NSMCE2: variants seen among roughly 807,000 people sequenced by gnomAD.
The protein encoded by NSMCE2 is NSE2 SUMO ligase component of SMC5/6 complex, also known as E3 SUMO-protein ligase NSE2.
A neutral mutation model predicts 23.8 loss-of-function variants in NSMCE2; 24 were observed. That is an observed-to-expected ratio of 1.01 (90% CI 0.73 to 1.42). The LOEUF is 1.42. Among genes scored for constraint, NSMCE2 ranks in the 40% most tolerant of loss-of-function variants. NSMCE2 has a pLI of 0.00. For missense variants in NSMCE2, 284 were observed against 296.5 expected, an observed-to-expected ratio of 0.96 and a Z score of 0.31; for synonymous variants, 92 against 94.1, an observed-to-expected ratio of 0.98 and a Z score of 0.13.
At chr8:125,197,272 C>T (rs550738595) in intron 5 of NSMCE2, among the ~76,000 whole-genome samples, 1 of 152,144 alleles carries the variant, frequency 6.6e-6, no homozygotes, top group Non-Finnish European at 1.5e-5. Flanking sequence ...AGTCCTTGCC[C>T]ATGCCTATGT....
intron 5 of NSMCE2, among the ~76,000 whole-genome samples, chr8:125,244,251 A>AAAAATAC (rs1390596069): frequency 2.0e-5 from 3 of 152,212 alleles, no homozygotes; most frequent in Admixed American, 1.3e-4. Flanking sequence ...CATTGATTAA[A>AAAAATAC]AAAATACAGG....
At chr8:125,229,232 G>C (rs180998169) in intron 5 of NSMCE2, among the ~76,000 whole-genome samples, 2 of 152,304 alleles carry the variant, frequency 1.3e-5, no homozygotes, top group Admixed American at 6.5e-5. Flanking sequence ...AAAGAAAAGA[G>C]AGATGCAAGA....
intron 5 of NSMCE2, among the ~76,000 whole-genome samples, chr8:125,345,994 A>G (rs1489069892): frequency 6.6e-6 from 1 of 152,202 alleles, no homozygotes; most frequent in Non-Finnish European, 1.5e-5. Context: ...CGTCTCTACT[A>G]AAAATACAAA....
At chr8:125,321,670 G>C (rs4871580) in intron 5 of NSMCE2, among the ~76,000 whole-genome samples, 5 of 152,236 alleles carry the variant, frequency 3.3e-5, no homozygotes, top group African/African-American at 1.2e-4. Context: ...ATCCAAATAT[G>C]TACAAAAAAG....
chr8:125,191,893 A>C (rs530113472), intron 5 of NSMCE2, among the ~76,000 whole-genome samples: 147 of 152,354 alleles, frequency 9.6e-4, no homozygotes, highest in African/African-American at 3.3e-3. Context: ...AGAATCTTGG[A>C]GGTGACATAT....
chr8:125,366,330 G>A (rs1018141002), intron 7 of NSMCE2, among the ~76,000 whole-genome samples: 2 of 152,202 alleles, frequency 1.3e-5, no homozygotes, highest in Non-Finnish European at 2.9e-5. Context: ...CACGAGGTCA[G>A]GAGATCGAGA....
intron 5 of NSMCE2, among the ~76,000 whole-genome samples, chr8:125,237,181 G>T (rs1057209026): frequency 6.6e-6 from 1 of 152,164 alleles, no homozygotes; most frequent in African/African-American, 2.4e-5. Context: ...GCAGGGACAT[G>T]AAATTACCCC....
chr8:125,319,652 A>G (rs1345302862), intron 5 of NSMCE2, among the ~76,000 whole-genome samples: 1 of 152,162 alleles, frequency 6.6e-6, no homozygotes, highest in Non-Finnish European at 1.5e-5. Flanking sequence ...GGCAGCTTAG[A>G]CACTGCAGAA....
intron 5 of NSMCE2, among the ~76,000 whole-genome samples, chr8:125,255,765 A>G (rs6992463): frequency 0.48 from 72,414 of 152,066 alleles, 21,658 homozygotes; most frequent in African/African-American, 0.85. Context: ...TTTTGGATTG[A>G]AGCTGTCTGA....
intron 5 of NSMCE2, among the ~76,000 whole-genome samples, chr8:125,326,570 G>A (rs756889913): frequency 2.6e-4 from 39 of 152,138 alleles, no homozygotes; most frequent in Non-Finnish European, 5.3e-4. Context: ...AGAGAGAGAG[G>A]ACTTCTGATT....
intron 3 of NSMCE2, among the ~76,000 whole-genome samples, chr8:125,115,188 G>A (rs74490237): frequency 0.01 from 1,591 of 152,282 alleles, 10 homozygotes; most frequent in Non-Finnish European, 0.017. Flanking sequence ...GCCACGGTAG[G>A]AATATTGACT....
chr8:125,185,149 A>G (rs944529344), intron 5 of NSMCE2, among the ~76,000 whole-genome samples: 1 of 152,176 alleles, frequency 6.6e-6, no homozygotes, highest in Non-Finnish European at 1.5e-5. Context: ...AGAGGCCAAG[A>G]TACAGCTTGC....
chr8:125,200,921 T>A (rs1436073689), intron 5 of NSMCE2, among the ~76,000 whole-genome samples: 1 of 152,234 alleles, frequency 6.6e-6, no homozygotes, highest in Non-Finnish European at 1.5e-5. Flanking sequence ...ATTAATTTGA[T>A]CTTCAATCAC....
At chr8:125,232,189 C>T (rs1220035240) in intron 5 of NSMCE2, among the ~76,000 whole-genome samples, 3 of 151,926 alleles carry the variant, frequency 2.0e-5, no homozygotes, top group Non-Finnish European at 2.9e-5. Context: ...GGAGAAATCC[C>T]GTCTGTACTA....
intron 5 of NSMCE2, among the ~76,000 whole-genome samples, chr8:125,213,130 C>T (rs747430528): frequency 3.0e-4 from 46 of 152,060 alleles, no homozygotes; most frequent in Non-Finnish European, 5.4e-4. Flanking sequence ...TTGAAAGAGT[C>T]GACCTGTATG....
chr8:125,217,120 A>G (rs976564896), intron 5 of NSMCE2, among the ~76,000 whole-genome samples: 1 of 152,178 alleles, frequency 6.6e-6, no homozygotes, highest in East Asian at 1.9e-4. Context: ...AAGTTAGACT[A>G]TTTTAGGAGT....
intron 3 of NSMCE2, 134 bp from the exon 4 acceptor site, chr8:125,151,037 G>A (rs1178047290): frequency 2.2e-6 from 1 of 444,690 alleles, no homozygotes; most frequent in African/African-American, 2.0e-5. Flanking sequence ...TTTTTGAGGA[G>A]GTTTTTTTAA....
At chr8:125,186,616 C>G (rs1189803873) in intron 5 of NSMCE2, among the ~76,000 whole-genome samples, 2 of 152,112 alleles carry the variant, frequency 1.3e-5, no homozygotes, top group South Asian at 4.1e-4. Flanking sequence ...AAGAAAACAT[C>G]AGAAACAAAT....
chr8:125,243,501 T>A lies in NSMCE2; in HGVS notation c.418+61245T>A, dbSNP rs188058011. On this transcript the variant is annotated intron_variant, in intron 5 of 7. Coordinates refer to ENST00000287437, the MANE Select transcript of NSMCE2 (RefSeq NM_173685.4). ...CAACCTTGCAAAAATAATAATTTTT[T>A]AAAAAAAAAAACCTCTAAATTTCTA... 7.7e-4 allele frequency among the ~76,000 whole-genome samples: 115 copies of A among 148,634 alleles called. 1 individual carries two copies. The highest frequency in any genetic ancestry group is 6.9e-3 in the Middle Eastern group (2 of 290).
Sources: allele counts gnomAD v4.1 joint callset (sites outside exome capture counted in the v4.1 genomes callset), GRCh38; gene constraint gnomAD v4.1.1; transcripts MANE v1.5; gene names NCBI Gene and HGNC (gene_info 2026-07-23, HGNC 2026-07-21).